RAP1GAP2: variants seen among roughly 807,000 people sequenced by gnomAD.
The protein encoded by RAP1GAP2 is rap1 GTPase-activating protein 2.
A neutral mutation model predicts 95.0 loss-of-function variants in RAP1GAP2; 27 were observed. The observed-to-expected ratio is 0.28, with a 90% CI of 0.21 to 0.39. The LOEUF is 0.39. RAP1GAP2 is among the 10% of genes least tolerant of loss of function. RAP1GAP2 has a pLI of 1.00. For synonymous variants in RAP1GAP2, 373 were observed against 380.9 expected (o/e 0.98, Z 0.24); for missense variants, 771 against 970.0 (o/e 0.79, Z 2.72).
At chr17:2,918,524 G>A (rs2042645788) in intron 3 of RAP1GAP2, among the ~76,000 whole-genome samples, 1 of 151,714 alleles carries the variant, frequency 6.6e-6, no homozygotes, top group African/African-American at 2.4e-5. Flanking sequence ...CTTGGCTGTT[G>A]GGGTGGCCTC....
rs754468943 is a variant in RAP1GAP2, at chr17:2,905,307, C to G, written c.104C>G (p.Ser35Trp). The change falls in exon 3 of 25, where the codon TCG becomes TGG. Residue 35 changes from serine (S) to tryptophan (W), a missense_variant. Coordinates refer to ENST00000254695, the MANE Select transcript of RAP1GAP2 (RefSeq NM_015085.5). Reference sequence around the variant, plus strand: ...AGGAAGCAGGAGCTGGCCAACAGCTCGGATGCGACCCTCCCAGACCGGCCG... The same window carrying G: ...AGGAAGCAGGAGCTGGCCAACAGCTGGGATGCGACCCTCCCAGACCGGCCG... ...KVKKQELANSSDATLPDRPLS... is the reference protein window; with the variant it reads ...KVKKQELANSWDATLPDRPLS... 6.2e-7 allele frequency: 1 copy of G among 1,613,758 alleles called. No homozygotes were observed. The highest frequency in any genetic ancestry group is 8.5e-7 in the Non-Finnish European group (1 of 1,179,766).
chr17:2,928,600 GC>G (rs1190354279), intron 3 of RAP1GAP2, among the ~76,000 whole-genome samples: 45 of 152,284 alleles, frequency 3.0e-4, no homozygotes, highest in African/African-American at 1.1e-3. Flanking sequence ...AGATAGCGTT[GC>G]CTGGCTACGG....
chr17:2,996,399 G>C (rs1455505591), intron 13 of RAP1GAP2, among the ~76,000 whole-genome samples: 2 of 152,216 alleles, frequency 1.3e-5, no homozygotes, highest in African/African-American at 4.8e-5. Flanking sequence ...GCAGGCCTTT[G>C]CCCAAACTCT....
In RAP1GAP2 at chr17:2,998,282, C is replaced by T. The variant is rs748351260; in HGVS notation, c.1106C>T (p.Thr369Met). 4.3e-6 allele frequency: 7 copies of T among 1,613,948 alleles called. No homozygotes were observed. The highest frequency in any genetic ancestry group is 1.6e-4 in the Middle Eastern group (1 of 6,062). The stretch of plus-strand genomic sequence containing the variant: ...GCCATCATCTTCCAAGAGGAAAACA[C>T]GCCGTTTGTCCCAGACATGATAGCC... ...IVAIIFQEEN[T>M]PFVPDMIASN... The change falls in exon 14 of 25, where the codon ACG (threonine) becomes ATG (methionine). Residue 369 changes from threonine to methionine, a missense_variant. Thr to Met is a moderately conservative substitution (Grantham distance 81). Coordinates refer to ENST00000254695, the MANE Select transcript of RAP1GAP2 (RefSeq NM_015085.5).
chr17:2,781,564 C>G (rs957487362), intron 1 of RAP1GAP2, among the ~76,000 whole-genome samples: 15 of 129,668 alleles, frequency 1.2e-4, no homozygotes, highest in Admixed American at 5.8e-4. Flanking sequence ...GTGCACGTCT[C>G]TGTGTGTGCA....
At chr17:2,780,557 C>G (rs1041076873) in intron 1 of RAP1GAP2, among the ~76,000 whole-genome samples, 1 of 152,076 alleles carries the variant, frequency 6.6e-6, no homozygotes, top group Non-Finnish European at 1.5e-5. Context: ...CAATGTGCAC[C>G]CCCCCCAGGA....
chr17:2,796,305 C>T, upstream of RAP1GAP2: 2 of 572,210 alleles, frequency 3.5e-6, no homozygotes, highest in South Asian at 2.2e-5. The surrounding 1 kb of genome is among the most constrained non-coding windows in gnomAD (Gnocchi z 4.7). Context: ...CCTCCACAAC[C>T]TCCTCGGCCT....
chr17:2,957,924 C>T (rs1597720340), intron 4 of RAP1GAP2, 130 bp downstream of exon 4: 2 of 1,008,830 alleles, frequency 2.0e-6, no homozygotes, highest in East Asian at 5.7e-5. Context: ...ACAATTGCAT[C>T]CCCTTGGCCC....
chr17:2,977,787 C>T (rs2045192064), intron 8 of RAP1GAP2, among the ~76,000 whole-genome samples: 1 of 149,064 alleles, frequency 6.7e-6, no homozygotes. Flanking sequence ...AGAAGCAACC[C>T]AGCAATTTTA....
intron 17 of RAP1GAP2, among the ~76,000 whole-genome samples, chr17:3,013,632 C>CTTTTTTTTTTTTT (rs998163717): frequency 2.5e-5 from 2 of 78,878 alleles, no homozygotes; most frequent in African/African-American, 1.1e-4. Context: ...CTTTTCTTTT[C>CTTTTTTTTTTTTT]TTTTTTTTTT....
chr17:2,997,038 C>T (rs1213927654), intron 13 of RAP1GAP2, among the ~76,000 whole-genome samples: 3 of 152,094 alleles, frequency 2.0e-5, no homozygotes, highest in Non-Finnish European at 4.4e-5. Context: ...TGCAGTGGTG[C>T]GATCATAGCT....
At chr17:2,974,662 A>G (rs551505484) in intron 8 of RAP1GAP2, among the ~76,000 whole-genome samples, 105 of 152,266 alleles carry the variant, frequency 6.9e-4, no homozygotes, top group Non-Finnish European at 1.2e-3. Context: ...AGCAAGGACA[A>G]TGGGAAGGAA....
rs2072085556 is a variant in RAP1GAP2, at chr17:2,855,280, A to G, written c.81-50004A>G. Among the ~76,000 whole-genome samples, 1 of 152,232 alleles carries G rather than the reference A, an allele frequency of 6.6e-6. No homozygotes were observed. Among genetic ancestry groups the G allele is most frequent in the Non-Finnish European group, 1.5e-5 (1 of 68,046 alleles). Reference sequence around the variant, plus strand: ...AGCATGAAATAACATTGAGTCACCTAGTGAGAAAGTTCTTCCCTTTTCAGT... The same window carrying G: ...AGCATGAAATAACATTGAGTCACCTGGTGAGAAAGTTCTTCCCTTTTCAGT... On this transcript the variant is annotated intron_variant, in intron 2 of 24. Transcript: ENST00000254695. This position sits in a 1 kb window ranked among gnomAD's most constrained non-coding sequence, Gnocchi z 4.3.
intron 1 of RAP1GAP2, among the ~76,000 whole-genome samples, chr17:2,758,082 G>C (rs1250120285): frequency 6.6e-6 from 1 of 150,798 alleles, no homozygotes; most frequent in African/African-American, 2.4e-5. Context: ...TGTTAGCCCG[G>C]ATGGTGTCGA....
At chr17:2,767,061 C>G (rs553930261) in intron 1 of RAP1GAP2, among the ~76,000 whole-genome samples, 1 of 151,638 alleles carries the variant, frequency 6.6e-6, no homozygotes, top group Non-Finnish European at 1.5e-5. Flanking sequence ...TCTTCTCCCT[C>G]GTTAAAGATT....
chr17:2,954,224 C>A (rs969286071), intron 3 of RAP1GAP2, among the ~76,000 whole-genome samples: 1 of 152,064 alleles, frequency 6.6e-6, no homozygotes, highest in Non-Finnish European at 1.5e-5. Flanking sequence ...CCTGCCTCAG[C>A]CTCCTGAGTA....
intron 12 of RAP1GAP2, among the ~76,000 whole-genome samples, chr17:2,993,881 G>GA (rs1389429186): frequency 1.3e-5 from 2 of 151,632 alleles, no homozygotes; most frequent in Non-Finnish European, 2.9e-5. Flanking sequence ...ACAAAAATTT[G>GA]AAAAATTATA....
Position 3,026,923 on chromosome 17 carries a change from T to A in RAP1GAP2, c.1981-21T>A, listed in dbSNP as rs777641104. 6 of 1,547,018 alleles carry A rather than the reference T, an allele frequency of 3.9e-6. No individual in the cohort carries two copies. In the African/African-American group the frequency reaches 8.2e-5, roughly 21 times the overall value. The stretch of plus-strand genomic sequence containing the variant: ...GCTGCCGAGGGTGGGCTGGCCTCGC[T>A]CACCCTGCCTCTCTCCTCAGGGCAG... On this transcript the variant is annotated intron_variant, in intron 21 of 24. Coordinates refer to ENST00000254695, the MANE Select transcript of RAP1GAP2 (RefSeq NM_015085.5).
At chr17:2,987,604 G>C (rs990093312) in intron 11 of RAP1GAP2, among the ~76,000 whole-genome samples, 1 of 152,122 alleles carries the variant, frequency 6.6e-6, no homozygotes, top group East Asian at 1.9e-4. Flanking sequence ...CAGGTGATCC[G>C]CCTGCCTTGG....
Sources: allele counts gnomAD v4.1 joint callset (sites outside exome capture counted in the v4.1 genomes callset), GRCh38; gene constraint gnomAD v4.1.1; non-coding constraint Gnocchi (gnomAD v3.1); transcripts MANE v1.5; gene names NCBI Gene and HGNC (gene_info 2026-07-23, HGNC 2026-07-21).